Variants in NGEF observed in about 807,000 individuals in gnomAD.
The protein encoded by NGEF is ephexin-1.
In NGEF, 31 loss-of-function variants were observed where a neutral mutation model predicts 80.9. The ratio of observed to expected loss-of-function variants is 0.38; its 90% confidence interval spans 0.29 to 0.52. NGEF has a LOEUF of 0.52. Ranked by LOEUF, NGEF falls within the 20% of genes least tolerant of loss-of-function variation. The pLI is 0.84. For synonymous variants in NGEF, 371 were observed against 370.2 expected, an observed-to-expected ratio of 1.00 and a Z score of -0.03; for missense variants, 709 against 926.2, an observed-to-expected ratio of 0.77 and a Z score of 3.04.
chr2:233,008,455 C>T (rs954301521), intron 1 of NGEF, among the ~76,000 whole-genome samples: 14 of 152,316 alleles, frequency 9.2e-5, no homozygotes, highest in Non-Finnish European at 1.8e-4. Context: ...AAGACTGATA[C>T]AAGCAGGTTG....
At chr2:232,907,188 G>GAAAAAAAAAAAAAAAAAAGAA (rs10654316) in intron 5 of NGEF, among the ~76,000 whole-genome samples, 3 of 113,160 alleles carry the variant, frequency 2.7e-5, no homozygotes, top group Admixed American at 9.9e-5. Flanking sequence ...AGAAAAAAAA[G>GAAAAAAAAAAAAAAAAAAGAA]AAAAAAAAAA....
Position 232,882,077 on chromosome 2 carries a change from C to A in NGEF, c.1837+109G>T. The A allele has an allele frequency of 3.0e-6, 3 of 999,682 alleles. No individual in the cohort carries two copies. The South Asian group carries it at 4.3e-5, about 14-fold the overall frequency. The allele number at this position is 999,682 out of a possible 1,614,324, so 61.9% of individuals were successfully genotyped here. A position where few individuals can be genotyped will look rare whatever the true frequency, so the allele number is the denominator to read the frequency against. On this transcript the variant is annotated intron_variant, in intron 13 of 14. Coordinates refer to ENST00000264051, the MANE Select transcript of NGEF (RefSeq NM_019850.3). ...GGAGGCCCGTGCAGGCCTCTGAGACCACCAGCTCAGGGAGGGCTTCCCTCC... is the reference window on the plus strand; with the variant it reads ...GGAGGCCCGTGCAGGCCTCTGAGACAACCAGCTCAGGGAGGGCTTCCCTCC...
chr2:232,882,444 CACAT>C (rs1424590685), intron 12 of NGEF, among the ~76,000 whole-genome samples, 179 bp from the exon 13 acceptor site: 6 of 152,264 alleles, frequency 3.9e-5, no homozygotes, highest in Non-Finnish European at 7.3e-5. Context: ...CAGGGTCTGA[CACAT>C]ACAGGAACCC....
chr2:232,886,297 G>A (rs10454739), intron 9 of NGEF, among the ~76,000 whole-genome samples: 5 of 151,338 alleles, frequency 3.3e-5, no homozygotes, highest in African/African-American at 1.2e-4. Context: ...TGCGTGCTGT[G>A]TGTACTGTGT....
At chr2:232,955,326 A>G (rs1574635077) in intron 3 of NGEF, among the ~76,000 whole-genome samples, 1 of 152,178 alleles carries the variant, frequency 6.6e-6, no homozygotes, top group East Asian at 1.9e-4. Flanking sequence ...AAACACAACC[A>G]TCAAAACCAG....
intron 5 of NGEF, among the ~76,000 whole-genome samples, chr2:232,909,653 C>G (rs146904916): frequency 6.6e-6 from 1 of 152,208 alleles, no homozygotes; most frequent in African/African-American, 2.4e-5. Flanking sequence ...GTGTAACCCA[C>G]AATATAATCA....
chr2:232,979,534 C>T (rs535187389), intron 1 of NGEF, among the ~76,000 whole-genome samples: 1 of 152,182 alleles, frequency 6.6e-6, no homozygotes, highest in Non-Finnish European at 1.5e-5. Context: ...GCCAGAAAAC[C>T]CAGAAGCTTC....
intron 3 of NGEF, among the ~76,000 whole-genome samples, chr2:232,959,913 T>G (rs4499416): frequency 6.6e-6 from 1 of 152,042 alleles, no homozygotes; most frequent in Non-Finnish European, 1.5e-5. Flanking sequence ...CCATGGATGA[T>G]AGTCACAATG....
At chr2:232,954,477 GCAT>G (rs1693754487) in intron 3 of NGEF, among the ~76,000 whole-genome samples, 1 of 152,044 alleles carries the variant, frequency 6.6e-6, no homozygotes, top group Admixed American at 6.5e-5. Context: ...TGTAATCCCA[GCAT>G]TTTGGGAGGC....
intron 8 of NGEF, 98 bp downstream of exon 8, chr2:232,891,260 T>C (rs1691874322): frequency 5.4e-6 from 8 of 1,479,186 alleles, no homozygotes; most frequent in South Asian, 5.0e-5. Context: ...TTAGTATCTG[T>C]TGAACCAGTA....
intron 5 of NGEF, among the ~76,000 whole-genome samples, chr2:232,914,064 C>G (rs1692743041): frequency 6.6e-6 from 1 of 152,184 alleles, no homozygotes; most frequent in Non-Finnish European, 1.5e-5. Flanking sequence ...AAACTACAGC[C>G]CATGGGCTGG....
chr2:232,917,168 G>A (rs1692821203), intron 5 of NGEF, among the ~76,000 whole-genome samples: 2 of 152,190 alleles, frequency 1.3e-5, no homozygotes, highest in Admixed American at 1.3e-4. Flanking sequence ...AAGAGTCCAG[G>A]GAAGACAAGT....
chr2:232,896,670 G>GGGGGTGGGGGTAGGGAT (rs1559197127), intron 5 of NGEF, among the ~76,000 whole-genome samples: 4 of 51,968 alleles, frequency 7.7e-5, no homozygotes, highest in African/African-American at 2.8e-4. Flanking sequence ...GGGTAGGGGT[G>GGGGGTGGGGGTAGGGAT]GGGGTGGGGG....
chr2:232,963,755 G>A (rs1156484382), intron 3 of NGEF, among the ~76,000 whole-genome samples: 1 of 152,096 alleles, frequency 6.6e-6, no homozygotes, highest in Non-Finnish European at 1.5e-5. Flanking sequence ...CAAGGTTGCA[G>A]TGAGCCAAGA....
intron 3 of NGEF, among the ~76,000 whole-genome samples, chr2:232,968,131 C>T (rs532996849): frequency 7.3e-6 from 1 of 137,370 alleles, no homozygotes; most frequent in Admixed American, 7.5e-5. Flanking sequence ...TCTTGTTGCC[C>T]AGGCTGGAGT....
intron 1 of NGEF, chr2:233,012,580 G>C (rs772455861): frequency 2.8e-5 from 8 of 285,072 alleles, no homozygotes; most frequent in South Asian, 9.4e-5. Flanking sequence ...CAGGAATCAG[G>C]GCACTTCCGT....
chr2:232,950,641 G>A (rs923058219), intron 3 of NGEF, among the ~76,000 whole-genome samples: 1 of 152,218 alleles, frequency 6.6e-6, no homozygotes, highest in East Asian at 1.9e-4. Context: ...AAAGGGCAAA[G>A]CCTCCTCTTG....
At chr2:232,893,127 G>C in intron 6 of NGEF, 77 bp from the exon 7 acceptor site, 1 of 1,471,766 alleles carries the variant, frequency 6.8e-7, no homozygotes, top group Non-Finnish European at 9.3e-7. Flanking sequence ...GGCAGCATGC[G>C]AGCCTGACTT....
intron 1 of NGEF, among the ~76,000 whole-genome samples, chr2:232,995,078 ATGTGTACAGTATG>A (rs1438893974): frequency 3.2e-4 from 9 of 28,126 alleles, no homozygotes; most frequent in South Asian, 1.1e-3. Context: ...TATACTGTAT[ATGTGTACAGTATG>A]TATATGTGTA....
Sources: allele counts gnomAD v4.1 joint callset (sites outside exome capture counted in the v4.1 genomes callset), GRCh38; gene constraint gnomAD v4.1.1; transcripts MANE v1.5; gene names NCBI Gene and HGNC (gene_info 2026-07-23, HGNC 2026-07-21).